Variants in CPNE4 observed in about 807,000 individuals in gnomAD.
The protein encoded by CPNE4 is copine 4, also known as copine-4.
CPNE4 carries 25 observed loss-of-function variants against 67.9 expected under a neutral mutation model. The ratio of observed to expected loss-of-function variants is 0.37; its 90% CI spans 0.27 to 0.51. The LOEUF is 0.51. CPNE4 is among the 20% of genes least tolerant of loss of function. The pLI, the probability that CPNE4 is intolerant of heterozygous loss-of-function variation, is 0.93. For synonymous variants in CPNE4, 242 were observed against 244.9 expected (o/e 0.99, Z 0.11); for missense variants, 464 against 690.8 (o/e 0.67, Z 3.68).
At chr3:131,762,361 A>T (rs769484481) in intron 2 of CPNE4, among the ~76,000 whole-genome samples, 1 of 152,140 alleles carries the variant, frequency 6.6e-6, no homozygotes, top group Non-Finnish European at 1.5e-5. Flanking sequence ...TGTTTGATAT[A>T]CCAGACTTCA....
chr3:131,688,346 A>G (rs964953435), intron 5 of CPNE4, among the ~76,000 whole-genome samples: 5 of 152,136 alleles, frequency 3.3e-5, no homozygotes, highest in Non-Finnish European at 7.4e-5. Flanking sequence ...GGTGGCTTTC[A>G]TCATAATCTT....
chr3:131,740,211 G>A (rs890539748), intron 2 of CPNE4, among the ~76,000 whole-genome samples: 2 of 152,182 alleles, frequency 1.3e-5, no homozygotes, highest in African/African-American at 4.8e-5. Flanking sequence ...CTTGTCTCAG[G>A]CAGGAACTCC....
intron 1 of CPNE4, among the ~76,000 whole-genome samples, chr3:131,912,422 G>T (rs2089012608): frequency 6.6e-6 from 1 of 151,868 alleles, no homozygotes; most frequent in African/African-American, 2.4e-5. Context: ...GCTTGCCTTG[G>T]CATTATTCAG....
At chr3:131,906,679 T>C (rs1168735597) in intron 1 of CPNE4, among the ~76,000 whole-genome samples, 2 of 151,938 alleles carry the variant, frequency 1.3e-5, no homozygotes, top group Non-Finnish European at 2.9e-5. Flanking sequence ...TGTTTCCAAG[T>C]CTTTGCTATC....
intron 1 of CPNE4, among the ~76,000 whole-genome samples, chr3:131,986,966 G>A (rs981766020): frequency 1.3e-5 from 2 of 151,576 alleles, no homozygotes; most frequent in Non-Finnish European, 1.5e-5. Flanking sequence ...AAGTCCTGAT[G>A]TCCAGTCCTC....
chr3:131,591,201 A>G (rs753611692), intron 7 of CPNE4, among the ~76,000 whole-genome samples: 1 of 152,148 alleles, frequency 6.6e-6, no homozygotes. Context: ...GGGCCCTTGT[A>G]TTTGAGGCTC....
intron 6 of CPNE4, among the ~76,000 whole-genome samples, chr3:131,680,359 C>T (rs1172858310): frequency 6.6e-6 from 1 of 151,068 alleles, no homozygotes; most frequent in African/African-American, 2.4e-5. Context: ...TTGAAGACTA[C>T]GTACCAAAAC....
intron 7 of CPNE4, among the ~76,000 whole-genome samples, chr3:131,604,808 A>G (rs149131518): frequency 2.0e-5 from 3 of 151,962 alleles, no homozygotes; most frequent in Non-Finnish European, 4.4e-5. Flanking sequence ...CCCTCTAGAG[A>G]ATCCTGACTA....
chr3:131,574,846 T>G (rs1195101600), intron 10 of CPNE4, among the ~76,000 whole-genome samples: 1 of 152,098 alleles, frequency 6.6e-6, no homozygotes. Context: ...TGAGGTTGAG[T>G]GGCATAAATT....
chr3:131,640,526 C>A lies in CPNE4; in HGVS notation c.681+29149G>T, dbSNP rs2079513561. ...TGAAATAAACCATAGATGACACAAACAAATGGAAACACATCCAATGCTCAT... is the reference window on the plus strand; with the variant it reads ...TGAAATAAACCATAGATGACACAAAAAAATGGAAACACATCCAATGCTCAT... On this transcript the variant is annotated intron_variant, in intron 7 of 15. Coordinates refer to ENST00000429747, the MANE Select transcript of CPNE4 (RefSeq NM_130808.3). 2.0e-5 allele frequency among the ~76,000 whole-genome samples: 3 copies of A among 152,034 alleles called. No homozygotes were observed. The South Asian group carries it at 6.2e-4, about 32-fold the overall frequency.
chr3:131,884,331 A>G (rs2087794764), intron 2 of CPNE4, among the ~76,000 whole-genome samples: 1 of 152,200 alleles, frequency 6.6e-6, no homozygotes, highest in Admixed American at 6.5e-5. Flanking sequence ...TTAGAGTTGT[A>G]AAATGTAATT....
chr3:131,686,645 C>T (rs1232244263), intron 5 of CPNE4, among the ~76,000 whole-genome samples: 1 of 152,292 alleles, frequency 6.6e-6, no homozygotes, highest in East Asian at 1.9e-4. Context: ...CTAAAAGGAC[C>T]CTAACTGAAA....
chr3:131,876,100 G>A lies in CPNE4; in HGVS notation c.180+29164C>T, dbSNP rs368039805. Among the ~76,000 whole-genome samples, 5 of 152,236 alleles carry A rather than the reference G, an allele frequency of 3.3e-5. No individual in the cohort carries two copies. The East Asian group carries it at 5.8e-4, about 18-fold the overall frequency. On this transcript the variant is annotated intron_variant, in intron 2 of 15. Coordinates refer to ENST00000429747, the MANE Select transcript of CPNE4 (RefSeq NM_130808.3). The stretch of plus-strand genomic sequence containing the variant: ...TTATAAAAAAACTACAAGGTCAGGT[G>A]TGGTGGCACACGCCTGTAGTCCCAG...
chr3:131,773,257 C>G (rs1179408965), intron 2 of CPNE4, among the ~76,000 whole-genome samples: 1 of 152,036 alleles, frequency 6.6e-6, no homozygotes, highest in Non-Finnish European at 1.5e-5. Flanking sequence ...CTGCCATCAG[C>G]AAGGACATAC....
rs1351280536 is a variant in CPNE4 at position 131,904,101 on chromosome 3, C to G, written c.180+1163G>C. On this transcript the variant is annotated intron_variant, in intron 2 of 15. Transcript: ENST00000429747. ...AATGTCATTCCATTCACACCACTGC[C>G]AAAGGAGCAGCTGCCTTGCACAAGC... Among the ~76,000 whole-genome samples the G allele has an allele frequency of 2.0e-5, 3 of 152,204 alleles. No homozygotes were observed. In the East Asian group the frequency reaches 5.8e-4, roughly 30 times the overall value.
chr3:131,695,519 A>G (rs779975614), intron 5 of CPNE4, among the ~76,000 whole-genome samples: 6 of 152,242 alleles, frequency 3.9e-5, no homozygotes, highest in Non-Finnish European at 7.3e-5. Context: ...CCATTAAGCA[A>G]GTAGCTTAAA....
At chr3:131,699,764 A>G (rs746874347) in intron 4 of CPNE4, 145 bp downstream of exon 4, 23 of 468,174 alleles carry the variant, frequency 4.9e-5, no homozygotes, top group Non-Finnish European at 8.4e-5. Flanking sequence ...AGAAAGAAAA[A>G]TAAGGGAGTG....
intron 14 of CPNE4, among the ~76,000 whole-genome samples, chr3:131,543,792 G>C (rs964553380): frequency 1.3e-5 from 2 of 152,216 alleles, no homozygotes; most frequent in Admixed American, 1.3e-4. Context: ...CAGGGTTGCA[G>C]TCTCTCCCTC....
intron 1 of CPNE4, among the ~76,000 whole-genome samples, chr3:132,027,896 G>T (rs187873173): frequency 6.6e-6 from 1 of 152,044 alleles, no homozygotes; most frequent in East Asian, 1.9e-4. Flanking sequence ...ATGGATATTT[G>T]TATGAAATAC....
Sources: gnomAD v4.1 joint callset for allele counts (sites outside exome capture counted in the v4.1 genomes callset) on GRCh38, gnomAD v4.1.1 for gene constraint, MANE v1.5 for transcripts, NCBI Gene and HGNC (gene_info 2026-07-23, HGNC 2026-07-21) for gene names.